SETD3: variants seen among roughly 807,000 people sequenced by gnomAD.
SETD3 encodes the protein actin-histidine N-methyltransferase.
SETD3 carries 19 observed loss-of-function variants against 63.0 expected under a neutral mutation model. That is an observed-to-expected ratio of 0.30 (90% confidence interval 0.21 to 0.44). The LOEUF is 0.44. Among genes scored for constraint, SETD3 ranks in the 20% least tolerant of loss-of-function variants. The pLI is 1.00. For synonymous variants in SETD3, 286 were observed against 264.1 expected (o/e 1.08, Z -0.80); for missense variants, 587 against 728.5 (o/e 0.81, Z 2.24).
chr14:99,401,308 G>A (rs968778099), intron 11 of SETD3, among the ~76,000 whole-genome samples: 20 of 152,000 alleles, frequency 1.3e-4, no homozygotes, highest in African/African-American at 2.9e-4. Flanking sequence ...TTTATCTCCC[G>A]GCACATTATC....
chr14:99,465,832 A>G lies in SETD3; in HGVS notation c.-8-19T>C. 4 of 1,553,116 alleles carry G rather than the reference A, an allele frequency of 2.6e-6. No homozygotes were observed. Among genetic ancestry groups the G allele is most frequent in the Non-Finnish European group, 3.5e-6 (4 of 1,128,494 alleles). The stretch of plus-strand genomic sequence containing the variant: ...TTTCTGACTACAGAGAAGAGAAAGA[A>G]AAGAGAAAAAAATTACATTACCAAA... On this transcript the variant is annotated intron_variant, in intron 1 of 12. Coordinates refer to ENST00000331768, the MANE Select transcript of SETD3 (RefSeq NM_032233.3).
intron 6 of SETD3, among the ~76,000 whole-genome samples, chr14:99,442,856 C>T (rs1373190294): frequency 2.0e-5 from 3 of 152,126 alleles, no homozygotes; most frequent in African/African-American, 4.8e-5. Flanking sequence ...GTCAAATGTA[C>T]GTGCTGACAG....
upstream of SETD3, among the ~76,000 whole-genome samples, chr14:99,485,775 A>G (rs962482393): frequency 1.3e-5 from 2 of 152,096 alleles, no homozygotes; most frequent in Non-Finnish European, 2.9e-5. Flanking sequence ...CAGGAGAATC[A>G]CTTGAACCCT....
chr14:99,479,464 G>A (rs762869256), intron 1 of SETD3, among the ~76,000 whole-genome samples: 6 of 152,240 alleles, frequency 3.9e-5, no homozygotes, highest in Non-Finnish European at 7.3e-5. Flanking sequence ...TTTAACAGTG[G>A]AGAGGAAGAC....
chr14:99,412,984 A>C lies in SETD3; in HGVS notation c.816T>G (p.Pro272=). 6.2e-7 allele frequency: 1 copy of C among 1,614,074 alleles called. No individual in the cohort carries two copies. Among genetic ancestry groups the C allele is most frequent in the Non-Finnish European group, 8.5e-7 (1 of 1,179,946 alleles). Residue 272 remains proline (P), a synonymous_variant, in exon 8 of 13, where the codon CCT becomes CCG. Transcript: ENST00000331768. The stretch of plus-strand genomic sequence containing the variant: ...TGGTGTGGTTACACATATCCCATAA[A>C]GGAATCAGAGCCAGGGTCACGCGGG... ...DGSRVTLALI[P]LWDMCNHTNG...
chr14:99,473,289 G>A (rs1333906186), intron 1 of SETD3, among the ~76,000 whole-genome samples: 1 of 152,166 alleles, frequency 6.6e-6, no homozygotes, highest in African/African-American at 2.4e-5. Context: ...TGGCTAATGT[G>A]GGCAGTGGGA....
At chr14:99,410,269 T>C (rs746276410) in intron 8 of SETD3, 2 of 1,612,468 alleles carry the variant, frequency 1.2e-6, no homozygotes, top group South Asian at 1.1e-5. Context: ...ACGGAGGGTG[T>C]GGGGGGACAG....
chr14:99,402,998 T>C (rs1389640252), intron 11 of SETD3, among the ~76,000 whole-genome samples: 4 of 152,228 alleles, frequency 2.6e-5, no homozygotes, highest in African/African-American at 7.2e-5. Context: ...TAACTCGTGT[T>C]CATTACATTG....
chr14:99,444,615 T>C (rs559936035), intron 6 of SETD3, among the ~76,000 whole-genome samples: 10 of 152,280 alleles, frequency 6.6e-5, no homozygotes, highest in Admixed American at 5.9e-4. Flanking sequence ...TCCCTGCACA[T>C]TGGGAGGCCG....
At position 99,400,020 on chromosome 14, in the gene SETD3, C is replaced by T. The variant is rs190055675; in HGVS notation, c.1338+79G>A. On this transcript the variant is annotated intron_variant, in intron 12 of 12. Transcript: ENST00000331768. ...CCTCCCAAAGTGCTGGGATTACAGG[C>T]GTGAGCCACCGCACCAAGCCTCATT... 1,728 of 1,329,478 alleles carry T rather than the reference C, an allele frequency of 1.3e-3. 3 individuals are homozygous for T. Among genetic ancestry groups the T allele is most frequent in the Non-Finnish European group, 1.7e-3 (1,633 of 975,514 alleles). The allele number at this position is 1,329,478 out of a possible 1,614,324, so 82.4% of individuals were successfully genotyped here.
At chr14:99,419,926 T>C (rs1892494996) in intron 6 of SETD3, among the ~76,000 whole-genome samples, 1 of 152,224 alleles carries the variant, frequency 6.6e-6, no homozygotes, top group South Asian at 2.1e-4. Flanking sequence ...GAAAAAAAGA[T>C]GAAGATAGGT....
rs756143959 is a variant in SETD3 at position 99,398,954 on chromosome 14, C to G, written c.1510G>C (p.Glu504Gln). 1.3e-5 allele frequency: 21 copies of G among 1,613,972 alleles called. No homozygotes were observed. The East Asian group carries it at 4.2e-4, about 33-fold the overall frequency. ...EEKAPLPKYE[E>Q]SNLGLLESSV... The stretch of plus-strand genomic sequence containing the variant: ...CTCTCCAACAGCCCAAGGTTACTCT[C>G]TTCATATTTGGGAAGCGGAGCCTTT... Residue 504 changes from glutamate to glutamine, a missense_variant, in exon 13 of 13, where the codon GAG (glutamate) becomes CAG (glutamine). Transcript: ENST00000331768.
intron 6 of SETD3, among the ~76,000 whole-genome samples, chr14:99,451,777 G>A (rs942477309): frequency 1.3e-5 from 2 of 152,010 alleles, no homozygotes; most frequent in African/African-American, 2.4e-5. Flanking sequence ...AAAGTGCTGG[G>A]ATTACAGGCA....
Position 99,412,959 on chromosome 14 carries a change from T to C in SETD3, c.841A>G (p.Asn281Asp). 1 of 1,607,464 alleles carries C rather than the reference T, an allele frequency of 6.2e-7. No individual in the cohort carries two copies. The highest frequency in any genetic ancestry group is 1.1e-5 in the South Asian group (1 of 90,932). ...GGGGAAGAGGTCGTTACCAGGCCGT[T>C]GGTGTGGTTACACATATCCCATAAA... ...IPLWDMCNHT[N>D]GLITTGYNLE... The change falls in exon 8 of 13, where the codon AAC becomes GAC. Residue 281 changes from asparagine to aspartate, a missense_variant. By Grantham distance (23) the Asn-to-Asp change is conservative (BLOSUM62 1). Transcript: ENST00000331768.
chr14:99,481,417 A>G (rs1347005493), upstream of SETD3: 1 of 398,576 alleles, frequency 2.5e-6, no homozygotes, highest in Non-Finnish European at 4.4e-6. Context: ...CCGACATTCC[A>G]TATACAAGAT....
At chr14:99,464,997 G>A (rs894221976) in intron 2 of SETD3, among the ~76,000 whole-genome samples, 2 of 152,172 alleles carry the variant, frequency 1.3e-5, no homozygotes, top group Admixed American at 6.5e-5. Flanking sequence ...TTAGCTGGGC[G>A]TGGTGACACA....
At position 99,407,499 on chromosome 14, in the gene SETD3, T is replaced by C. The variant is rs138221998; in HGVS notation, c.850-909A>G. 1.7e-3 allele frequency among the ~76,000 whole-genome samples: 266 copies of C among 152,346 alleles called. 1 individual carries two copies. The highest frequency in any genetic ancestry group is 6.1e-3 in the African/African-American group (252 of 41,578). ...GTCTCAAAATCCAATACTGTCCTTC[T>C]GGAGTTGCTAATTGTACGATGTCAC... On this transcript the variant is annotated intron_variant, in intron 8 of 12. Transcript: ENST00000331768.
intron 1 of SETD3, among the ~76,000 whole-genome samples, chr14:99,479,394 C>A (rs1896141392): frequency 6.6e-6 from 1 of 152,208 alleles, no homozygotes; most frequent in Admixed American, 6.5e-5. Context: ...TGGACTTTCA[C>A]GCATGGTAGC....
intron 6 of SETD3, among the ~76,000 whole-genome samples, chr14:99,456,609 G>A (rs1894775557): frequency 6.6e-6 from 1 of 152,124 alleles, no homozygotes; most frequent in African/African-American, 2.4e-5. Context: ...TTACATAGAA[G>A]GTGGTATAAT....
Sources: allele counts gnomAD v4.1 joint callset (sites outside exome capture counted in the v4.1 genomes callset), GRCh38; gene constraint gnomAD v4.1.1; transcripts MANE v1.5; gene names NCBI Gene and HGNC (gene_info 2026-07-23, HGNC 2026-07-21).